The following ADAMTS17 variants were observed in gnomAD, a reference collection of about 807,000 sequenced individuals.
ADAMTS17 encodes the protein A disintegrin and metalloproteinase with thrombospondin motifs 17.
ADAMTS17 carries 113 observed loss-of-function variants against 141.5 expected under a neutral mutation model. The ratio of observed to expected loss-of-function variants is 0.80; its 90% CI spans 0.69 to 0.93. The LOEUF is 0.93. Among genes scored for constraint, ADAMTS17 ranks in the 40% least tolerant of loss-of-function variants. ADAMTS17 has a pLI of 0.00. For missense variants in ADAMTS17, 1,659 were observed against 1,517.9 expected (o/e 1.09, Z -1.54); for synonymous variants, 768 against 630.6 (o/e 1.22, Z -3.27).
At chr15:100,155,386 A>G (rs1036318773) in intron 8 of ADAMTS17, 66 bp from the exon 9 acceptor site, 7 of 1,575,940 alleles carry the variant, frequency 4.4e-6, no homozygotes, top group African/African-American at 1.3e-5. Flanking sequence ...TCCTGGTGCT[A>G]GCGGACCATG....
intron 15 of ADAMTS17, among the ~76,000 whole-genome samples, chr15:100,060,157 T>G (rs995545169): frequency 6.6e-6 from 1 of 152,196 alleles, no homozygotes; most frequent in Non-Finnish European, 1.5e-5. Flanking sequence ...TCTGGTTTGC[T>G]GGGGAGATTT....
rs117787272 is a variant in ADAMTS17 at position 100,268,420 on chromosome 15, G to C, written c.790-5985C>G. 1.3e-3 allele frequency among the ~76,000 whole-genome samples: 197 copies of C among 152,226 alleles called. 3 individuals are homozygous for C. In the East Asian group the frequency reaches 0.014, roughly 11 times the overall value. On this transcript the variant is annotated intron_variant, in intron 4 of 21. Transcript: ENST00000268070. ...GAACTAATTTACCTTCCCACCAACA[G>C]CGTATGAGCATTTTTCTCTGCACCT...
chr15:100,053,335 GC>G (rs1182863193), intron 16 of ADAMTS17, among the ~76,000 whole-genome samples: 1 of 152,100 alleles, frequency 6.6e-6, no homozygotes, highest in Non-Finnish European at 1.5e-5. Context: ...CCCTGGCCTG[GC>G]CCAATGGCTC....
intron 8 of ADAMTS17, among the ~76,000 whole-genome samples, chr15:100,158,892 G>C (rs1035818743): frequency 5.3e-5 from 8 of 152,126 alleles, no homozygotes; most frequent in African/African-American, 1.9e-4. Flanking sequence ...CTAATCATCA[G>C]AGAAACACAA....
chr15:99,977,400 A>ATTT (rs1491361858), intron 20 of ADAMTS17, among the ~76,000 whole-genome samples: 1 of 4,754 alleles, frequency 2.1e-4, no homozygotes, highest in African/African-American at 6.2e-4. Flanking sequence ...ATATATATAT[A>ATTT]ATTTTTTTTT....
rs2060269288 is a variant in ADAMTS17, at chr15:99,974,136, C to T, written c.*266G>A. On this transcript the variant is annotated 3_prime_UTR_variant, in exon 22 of 22. Coordinates refer to ENST00000268070, the MANE Select transcript of ADAMTS17 (RefSeq NM_139057.4). ...TGACGGTTGTCTGCCAGAGGTGCTTCCCTTCGAGGTACCTGAAATCCTAGA... is the reference window on the plus strand; with the variant it reads ...TGACGGTTGTCTGCCAGAGGTGCTTTCCTTCGAGGTACCTGAAATCCTAGA... 1 of 531,058 alleles carries T rather than the reference C, an allele frequency of 1.9e-6. No homozygotes were observed. The highest frequency in any genetic ancestry group is 1.9e-5 in the African/African-American group (1 of 52,246). 32.9% of individuals were successfully genotyped at this position (531,058 alleles called of 1,614,324 possible). A position where few individuals can be genotyped will look rare whatever the true frequency, so the allele number is the denominator to read the frequency against.
At chr15:100,040,413 T>C (rs1010330055) in intron 18 of ADAMTS17, among the ~76,000 whole-genome samples, 1 of 152,240 alleles carries the variant, frequency 6.6e-6, no homozygotes, top group African/African-American at 2.4e-5. Context: ...TCTTTCAGTA[T>C]TCCTCAGACT....
intron 3 of ADAMTS17, among the ~76,000 whole-genome samples, chr15:100,290,462 C>T (rs1353081641): frequency 6.6e-6 from 1 of 152,152 alleles, no homozygotes; most frequent in Non-Finnish European, 1.5e-5. Flanking sequence ...AATGTTATTC[C>T]TATCAAACTA....
intron 4 of ADAMTS17, among the ~76,000 whole-genome samples, chr15:100,279,560 C>A (rs148749982): frequency 6.6e-6 from 1 of 152,252 alleles, no homozygotes; most frequent in African/African-American, 2.4e-5. Flanking sequence ...CTTCCATAAG[C>A]GGCCTGACCA....
At chr15:100,271,883 G>A (rs181558679) in intron 4 of ADAMTS17, among the ~76,000 whole-genome samples, 149 of 152,152 alleles carry the variant, frequency 9.8e-4, no homozygotes, top group Non-Finnish European at 8.5e-4. Context: ...GATCCATTTT[G>A]AGTTAATTTT....
At chr15:100,252,706 G>A (rs576751501) in intron 7 of ADAMTS17, among the ~76,000 whole-genome samples, 2 of 152,320 alleles carry the variant, frequency 1.3e-5, no homozygotes, top group East Asian at 3.9e-4. Flanking sequence ...CACGGCCTTT[G>A]TCTAGCAATT....
intron 18 of ADAMTS17, among the ~76,000 whole-genome samples, chr15:100,021,902 C>T (rs1046332949): frequency 2.0e-5 from 3 of 152,114 alleles, no homozygotes. Context: ...ATGTCAAGCG[C>T]CTGCTCCTCC....
intron 3 of ADAMTS17, among the ~76,000 whole-genome samples, chr15:100,315,202 GC>G (rs2045524976): frequency 6.6e-6 from 1 of 152,210 alleles, no homozygotes. Context: ...TTCGTCCTCT[GC>G]CCCAGGTATC....
chr15:100,143,337 G>C (rs892627559), intron 10 of ADAMTS17, among the ~76,000 whole-genome samples: 1 of 152,228 alleles, frequency 6.6e-6, no homozygotes. Context: ...TAAGTAGCTT[G>C]AAAGTGTTGT....
At chr15:100,004,495 A>G (rs1164142630) in intron 18 of ADAMTS17, among the ~76,000 whole-genome samples, 1 of 152,206 alleles carries the variant, frequency 6.6e-6, no homozygotes, top group Non-Finnish European at 1.5e-5. Context: ...AAAACAATTT[A>G]TATTCCAATT....
chr15:100,080,841 G>T (rs781414739), intron 15 of ADAMTS17, among the ~76,000 whole-genome samples: 59 of 152,184 alleles, frequency 3.9e-4, no homozygotes, highest in Admixed American at 9.8e-4. Flanking sequence ...GGGGATTGGT[G>T]TATTTCTGGT....
Position 99,987,835 on chromosome 15 carries a change from G to A in ADAMTS17, c.2949+5213C>T, listed in dbSNP as rs10163043. 4.4e-3 allele frequency among the ~76,000 whole-genome samples: 674 copies of A among 152,234 alleles called. 2 individuals are homozygous for A. The highest frequency in any genetic ancestry group is 0.011 in the African/African-American group (461 of 41,548). On this transcript the variant is annotated intron_variant, in intron 20 of 21. Transcript: ENST00000268070. ...AGGGGCAGGTGGTGGTGGTGGGGAG[G>A]TGCCCAGCCCCCAACTCTCCTGGGT...
At chr15:100,049,874 T>C (rs902267468) in intron 17 of ADAMTS17, among the ~76,000 whole-genome samples, 2 of 152,204 alleles carry the variant, frequency 1.3e-5, no homozygotes, top group South Asian at 4.1e-4. Context: ...GCCTCAGTGA[T>C]GATTAAAATA....
intron 3 of ADAMTS17, among the ~76,000 whole-genome samples, chr15:100,321,506 A>G (rs1182955839): frequency 6.6e-6 from 1 of 152,258 alleles, no homozygotes; most frequent in African/African-American, 2.4e-5. Context: ...AAACTAAGGG[A>G]AAAGAAACAT....
Sources: allele counts gnomAD v4.1 joint callset (sites outside exome capture counted in the v4.1 genomes callset), GRCh38; gene constraint gnomAD v4.1.1; transcripts MANE v1.5; gene names NCBI Gene and HGNC (gene_info 2026-07-23, HGNC 2026-07-21).